METTL24: variants seen among roughly 807,000 people sequenced by gnomAD.
The protein encoded by METTL24 is probable methyltransferase-like protein 24.
A neutral mutation model predicts 32.7 loss-of-function variants in METTL24; 29 were observed. That is an observed-to-expected ratio of 0.89 (90% CI 0.66 to 1.21). The LOEUF is 1.21. Ranked by LOEUF, METTL24 falls within the 50% of genes most tolerant of loss-of-function variation. METTL24 has a pLI of 0.00. For missense variants in METTL24, 439 were observed against 468.1 expected (o/e 0.94, Z 0.57); for synonymous variants, 163 against 179.5 (o/e 0.91, Z 0.73).
intron 1 of METTL24, among the ~76,000 whole-genome samples, chr6:110,346,817 T>C (rs770845091): frequency 5.9e-5 from 9 of 152,214 alleles, no homozygotes; most frequent in African/African-American, 2.4e-5. Context: ...CAATCCTTTT[T>C]TTCAATCAGA....
intron 4 of METTL24, among the ~76,000 whole-genome samples, chr6:110,287,226 A>G (rs1378752401): frequency 6.6e-6 from 1 of 152,214 alleles, no homozygotes; most frequent in Non-Finnish European, 1.5e-5. Flanking sequence ...AAAAACAAAA[A>G]CAAAAACAAC....
rs142378021 is a variant in METTL24 at position 110,322,756 on chromosome 6, T to C, written c.417+18A>G. ...TCTTTCACATTCTTCTCTAACTTCT[T>C]TGAGCCTGAAACACAACCTGGGTGG... is the stretch of plus-strand genomic sequence containing the variant. On this transcript the variant is annotated intron_variant, in intron 2 of 4. Transcript: ENST00000338882. The C allele has an allele frequency of 8.1e-6, 13 of 1,600,946 alleles. No individual in the cohort carries two copies. In the African/African-American group the frequency reaches 1.6e-4, roughly 20 times the overall value.
intron 4 of METTL24, among the ~76,000 whole-genome samples, chr6:110,275,548 C>T (rs146508901): frequency 0.01 from 1,547 of 152,270 alleles, 13 homozygotes; most frequent in Non-Finnish European, 0.015. Flanking sequence ...CTTCTGCTTC[C>T]CTTGTGGTGG....
At chr6:110,333,490 C>T (rs189133908) in intron 1 of METTL24, among the ~76,000 whole-genome samples, 1 of 152,132 alleles carries the variant, frequency 6.6e-6, no homozygotes, top group East Asian at 1.9e-4. Flanking sequence ...TGAGGGGAGT[C>T]TTGCTCAGGC....
At chr6:110,345,127 C>T (rs1245526879) in intron 1 of METTL24, among the ~76,000 whole-genome samples, 2 of 151,986 alleles carry the variant, frequency 1.3e-5, no homozygotes, top group Non-Finnish European at 2.9e-5. Flanking sequence ...CATGAACAGA[C>T]ATTTCTCTAA....
rs1189565131 is a variant in METTL24, at chr6:110,244,638, A to T, written c.*1308T>A. Among the ~76,000 whole-genome samples, 1 of 152,116 alleles carries T rather than the reference A, an allele frequency of 6.6e-6. No homozygotes were observed. The highest frequency in any genetic ancestry group is 2.4e-5 in the African/African-American group (1 of 41,402). On this transcript the variant is annotated 3_prime_UTR_variant, in exon 5 of 5. Coordinates refer to ENST00000338882, the MANE Select transcript of METTL24 (RefSeq NM_001123364.3). ...TCATATGGCAGCAGGAAGGAGAAAAATGAGAGCCAAGTGAAGGGGGACACC... is the reference window on the plus strand; with the variant it reads ...TCATATGGCAGCAGGAAGGAGAAAATTGAGAGCCAAGTGAAGGGGGACACC...
intron 3 of METTL24, among the ~76,000 whole-genome samples, chr6:110,310,280 AC>A (rs1771698272): frequency 6.6e-6 from 1 of 152,196 alleles, no homozygotes; most frequent in Non-Finnish European, 1.5e-5. Context: ...TAAAAAAGAG[AC>A]AAAAAATATG....
At chr6:110,285,346 G>A (rs2114720474) in intron 4 of METTL24, among the ~76,000 whole-genome samples, 1 of 152,292 alleles carries the variant, frequency 6.6e-6, no homozygotes, top group African/African-American at 2.4e-5. Flanking sequence ...ACTAAAAACG[G>A]GGAAATGAAA....
At chr6:110,322,753 T>A (rs6908306) in intron 2 of METTL24, 21 bp downstream of exon 2, 1 of 1,596,098 alleles carries the variant, frequency 6.3e-7, no homozygotes, top group Non-Finnish European at 8.6e-7. Flanking sequence ...TTCTCTAACT[T>A]CTTTGAGCCT....
At chr6:110,351,266 A>C (rs568752835) in intron 1 of METTL24, among the ~76,000 whole-genome samples, 1 of 152,328 alleles carries the variant, frequency 6.6e-6, no homozygotes, top group South Asian at 2.1e-4. Flanking sequence ...TACTTTAAAA[A>C]ATATTACATA....
intron 3 of METTL24, among the ~76,000 whole-genome samples, chr6:110,308,725 T>C (rs1455123827): frequency 1.3e-5 from 2 of 152,202 alleles, no homozygotes; most frequent in Non-Finnish European, 2.9e-5. Context: ...TAAAATGTGA[T>C]GTAACCATAC....
At chr6:110,294,994 TTTC>T (rs1241628112) in intron 4 of METTL24, among the ~76,000 whole-genome samples, 1 of 150,042 alleles carries the variant, frequency 6.7e-6, no homozygotes, top group Non-Finnish European at 1.5e-5. Flanking sequence ...TTTAATTGCT[TTTC>T]TTTTTTTCTT....
intron 3 of METTL24, among the ~76,000 whole-genome samples, chr6:110,310,024 G>C (rs1383130414): frequency 6.6e-6 from 1 of 152,136 alleles, no homozygotes; most frequent in Admixed American, 6.5e-5. Context: ...GCCCAAAAAG[G>C]AAGCTTGAGG....
intron 4 of METTL24, among the ~76,000 whole-genome samples, chr6:110,248,134 T>C (rs528204959): frequency 1.3e-5 from 2 of 152,254 alleles, no homozygotes; most frequent in South Asian, 4.1e-4. Context: ...CCTTCCACCA[T>C]GTTTGTAAGC....
At chr6:110,318,022 C>T (rs771982699) in intron 2 of METTL24, among the ~76,000 whole-genome samples, 3 of 152,278 alleles carry the variant, frequency 2.0e-5, no homozygotes, top group Non-Finnish European at 4.4e-5. Flanking sequence ...AGAGGCTATA[C>T]TTGGGCCAGA....
chr6:110,350,515 G>C (rs1244526979), intron 1 of METTL24, among the ~76,000 whole-genome samples: 2 of 151,494 alleles, frequency 1.3e-5, no homozygotes, highest in African/African-American at 4.9e-5. Flanking sequence ...TTTCCTGCAA[G>C]GTAACTATGC....
chr6:110,307,866 G>A (rs1197015372), intron 3 of METTL24, among the ~76,000 whole-genome samples: 1 of 152,134 alleles, frequency 6.6e-6, no homozygotes, highest in East Asian at 1.9e-4. Context: ...CTATGAGGAA[G>A]AAACAAAATT....
chr6:110,259,624 T>C (rs538540316), intron 4 of METTL24, among the ~76,000 whole-genome samples: 25 of 152,186 alleles, frequency 1.6e-4, no homozygotes, highest in Non-Finnish European at 3.4e-4. Context: ...AGTAGTGGTT[T>C]TCCTAGCATG....
intron 1 of METTL24, among the ~76,000 whole-genome samples, chr6:110,350,738 C>A (rs1322636205): frequency 1.5e-5 from 2 of 134,382 alleles, no homozygotes; most frequent in East Asian, 4.1e-4. Context: ...CCAGCCTGAG[C>A]AACATAGTGA....
Sources: gnomAD v4.1 joint callset for allele counts (sites outside exome capture counted in the v4.1 genomes callset) on GRCh38, gnomAD v4.1.1 for gene constraint, MANE v1.5 for transcripts, NCBI Gene and HGNC (gene_info 2026-07-23, HGNC 2026-07-21) for gene names.